DKK2: variants seen among roughly 807,000 people sequenced by gnomAD.
DKK2 encodes dickkopf Wnt signaling pathway inhibitor 2, also known as dickkopf-related protein 2.
A neutral mutation model predicts 28.1 loss-of-function variants in DKK2; 11 were observed. That is an observed-to-expected ratio of 0.39 (90% CI 0.25 to 0.65). The LOEUF is 0.65. DKK2 is among the 30% of genes least tolerant of loss of function. The probability of loss-of-function intolerance (pLI) is 0.47; values close to 1 mark genes in which losing one functional copy is unlikely to be tolerated. For missense variants in DKK2, 326 were observed against 335.5 expected (o/e 0.97, Z 0.22); for synonymous variants, 135 against 126.5 (o/e 1.07, Z -0.45).
chr4:106,972,912 C>G (rs1402152825), intron 1 of DKK2, among the ~76,000 whole-genome samples: 1 of 152,106 alleles, frequency 6.6e-6, no homozygotes, highest in East Asian at 1.9e-4. Flanking sequence ...ACTACAGGCC[C>G]CAGTGAGTGA....
intron 1 of DKK2, among the ~76,000 whole-genome samples, chr4:106,963,646 A>T (rs1722726314): frequency 6.6e-6 from 1 of 152,152 alleles, no homozygotes; most frequent in Admixed American, 6.6e-5. Flanking sequence ...ACCTAAAAAT[A>T]AAACTATATG....
At chr4:107,027,134 T>C (rs1315389171) in intron 1 of DKK2, among the ~76,000 whole-genome samples, 1 of 152,008 alleles carries the variant, frequency 6.6e-6, no homozygotes, top group South Asian at 2.1e-4. Flanking sequence ...CAGAGCATGG[T>C]TAATGGGGAA....
At chr4:106,948,757 G>A (rs1473349052) in intron 1 of DKK2, among the ~76,000 whole-genome samples, 1 of 152,108 alleles carries the variant, frequency 6.6e-6, no homozygotes, top group Non-Finnish European at 1.5e-5. Flanking sequence ...TTAAATATTT[G>A]TCTAATAAAT....
intron 1 of DKK2, among the ~76,000 whole-genome samples, chr4:106,960,114 T>TTATATATATATA (rs3082967): frequency 1.4e-5 from 2 of 146,442 alleles, no homozygotes; most frequent in African/African-American, 5.0e-5. Context: ...AGAAAAAATG[T>TTATATATATATA]TATATATATA....
chr4:106,977,910 G>A (rs1722969410), intron 1 of DKK2, among the ~76,000 whole-genome samples: 1 of 152,196 alleles, frequency 6.6e-6, no homozygotes, highest in South Asian at 2.1e-4. Context: ...GTGACCTTCA[G>A]ATGGGGTTTT....
intron 1 of DKK2, among the ~76,000 whole-genome samples, chr4:107,034,493 T>C (rs1467660070): frequency 6.6e-6 from 1 of 152,128 alleles, no homozygotes; most frequent in South Asian, 2.1e-4. Flanking sequence ...TGTGCGTGTC[T>C]ATTTGTATAA....
intron 1 of DKK2, among the ~76,000 whole-genome samples, chr4:107,033,701 A>C (rs936408365): frequency 6.6e-6 from 1 of 152,168 alleles, no homozygotes; most frequent in Non-Finnish European, 1.5e-5. Flanking sequence ...GGGGAACTAC[A>C]CATTAAGCTT....
chr4:107,024,624 CG>C (rs1443013308), intron 1 of DKK2, among the ~76,000 whole-genome samples: 1 of 152,074 alleles, frequency 6.6e-6, no homozygotes, highest in African/African-American at 2.4e-5. Context: ...CAGGGTGGCA[CG>C]GTCTTAAATT....
In DKK2 at chr4:107,029,742, T is replaced by G. The variant is rs544482296; in HGVS notation, c.222+5628A>C. Among the ~76,000 whole-genome samples, 3 of 152,270 alleles carry G rather than the reference T, an allele frequency of 2.0e-5. No homozygotes were observed. The South Asian group carries it at 6.2e-4, about 32-fold the overall frequency. ...GTCATTTTCCCTAATTGTGATATTT[T>G]TATTTGTTTTGTCATTTAATGTACT... On this transcript the variant is annotated intron_variant, in intron 1 of 3. Transcript: ENST00000285311.
chr4:106,941,297 T>C (rs745800578), intron 1 of DKK2, among the ~76,000 whole-genome samples: 5 of 152,100 alleles, frequency 3.3e-5, no homozygotes, highest in Non-Finnish European at 5.9e-5. Context: ...CCCTGAGATA[T>C]AGAAGGACTT....
At chr4:106,971,246 C>A (rs754650121) in intron 1 of DKK2, among the ~76,000 whole-genome samples, 1 of 152,078 alleles carries the variant, frequency 6.6e-6, no homozygotes, top group Non-Finnish European at 1.5e-5. Context: ...GAGCCATTCC[C>A]TCTTGATATG....
At chr4:106,940,514 C>G (rs1485004779) in intron 1 of DKK2, among the ~76,000 whole-genome samples, 31 of 150,462 alleles carry the variant, frequency 2.1e-4, no homozygotes, top group African/African-American at 7.7e-4. Context: ...GTTAGTGGGA[C>G]CGTAAACTAG....
intron 1 of DKK2, among the ~76,000 whole-genome samples, chr4:106,928,057 G>T (rs1724448414): frequency 6.6e-6 from 1 of 152,048 alleles, no homozygotes; most frequent in South Asian, 2.1e-4. Flanking sequence ...TGGTTGTTTG[G>T]TAAAAGTAGC....
chr4:106,982,865 C>A (rs1341158951), intron 1 of DKK2, among the ~76,000 whole-genome samples: 1 of 134,436 alleles, frequency 7.4e-6, no homozygotes. Flanking sequence ...TAGCAAGACT[C>A]CATCTCAAAA....
intron 1 of DKK2, among the ~76,000 whole-genome samples, chr4:106,936,557 G>A (rs1264002821): frequency 2.6e-5 from 4 of 152,192 alleles, no homozygotes; most frequent in Non-Finnish European, 5.9e-5. Context: ...ATATTATCCA[G>A]GAGAACTTCC....
At chr4:106,944,740 TCTAG>T (rs1724752411) in intron 1 of DKK2, among the ~76,000 whole-genome samples, 1 of 152,074 alleles carries the variant, frequency 6.6e-6, no homozygotes, top group African/African-American at 2.4e-5. Context: ...GTCTTATAAA[TCTAG>T]CTGTACACTG....
At chr4:107,005,790 A>G (rs1180977198) in intron 1 of DKK2, among the ~76,000 whole-genome samples, 1 of 152,178 alleles carries the variant, frequency 6.6e-6, no homozygotes, top group African/African-American at 2.4e-5. Flanking sequence ...GATAAACTAT[A>G]TTATGACCAT....
At position 106,923,460 on chromosome 4, in the gene DKK2, TA is replaced by T. The variant is rs1369898870; in HGVS notation, c.*493del. ...CAAAAGGTAATTTTCTGTTGTAAAT[TA>T]ACAATGCTCCATGTTTTCATTTCTT... On this transcript the variant is annotated 3_prime_UTR_variant, in exon 4 of 4. Transcript: ENST00000285311. 1 of 153,470 alleles carries T rather than the reference TA, an allele frequency of 6.5e-6. No individual in the cohort carries two copies. Among genetic ancestry groups the T allele is most frequent in the Non-Finnish European group, 1.5e-5 (1 of 68,910 alleles). The allele number at this position is 153,470 out of a possible 1,614,324, so 9.5% of individuals were successfully genotyped here. A position where few individuals can be genotyped will look rare whatever the true frequency, so the allele number is the denominator to read the frequency against.
At chr4:106,965,842 G>A (rs913384581) in intron 1 of DKK2, among the ~76,000 whole-genome samples, 7 of 146,116 alleles carry the variant, frequency 4.8e-5, no homozygotes, top group Non-Finnish European at 8.9e-5. Flanking sequence ...GAGAATATGC[G>A]GTGTTTGGTT....
Sources: allele counts gnomAD v4.1 joint callset (sites outside exome capture counted in the v4.1 genomes callset), GRCh38; gene constraint gnomAD v4.1.1; transcripts MANE v1.5; gene names NCBI Gene and HGNC (gene_info 2026-07-23, HGNC 2026-07-21).